SCARA3: variants seen among roughly 807,000 people sequenced by gnomAD.
SCARA3 encodes the protein scavenger receptor class A member 3, also known as cellular stress response gene protein.
Under a neutral mutation model 47.0 loss-of-function variants are expected in SCARA3, and 39 were observed. The ratio of observed to expected loss-of-function variants is 0.83; its 90% CI spans 0.64 to 1.08. The LOEUF is 1.08. Among genes scored for constraint, SCARA3 ranks in the 50% least tolerant of loss-of-function variants. SCARA3 has a pLI of 0.00. For synonymous variants in SCARA3, 356 were observed against 334.1 expected (o/e 1.07, Z -0.71); for missense variants, 724 against 792.3 (o/e 0.91, Z 1.04).
intron 1 of SCARA3, among the ~76,000 whole-genome samples, chr8:27,634,427 C>A (rs552620695): frequency 8.5e-5 from 13 of 152,322 alleles, no homozygotes; most frequent in East Asian, 3.9e-4. Flanking sequence ...ACACACCCCC[C>A]CTTGCAGTCC....
downstream of SCARA3, chr8:27,676,681 T>C (rs2128925214): frequency 1.2e-6 from 1 of 823,616 alleles, no homozygotes; most frequent in South Asian, 1.4e-5. Flanking sequence ...ATGGTAAGCA[T>C]CACCTTAAGC....
rs538341236 is a variant in SCARA3, at chr8:27,653,873, C to T, written c.226+2246C>T. Among the ~76,000 whole-genome samples the T allele has an allele frequency of 1.7e-4, 26 of 152,146 alleles. No homozygotes were observed. The South Asian group carries it at 5.2e-3, about 30-fold the overall frequency. ...GGCCATTTTTTTCTGTAAAAGGCTA[C>T]ATAGTAAATATTTTAGGCTTTTCAG... On this transcript the variant is annotated intron_variant, in intron 3 of 5. Transcript: ENST00000301904.
chr8:27,697,289 C>A, the SCARA3 span: 1 of 219,234 alleles, frequency 4.6e-6, no homozygotes, highest in South Asian at 7.9e-5. Flanking sequence ...TAGCCCATGT[C>A]ATCTAAATTC....
chr8:27,636,473 CA>C (rs1801252955), intron 1 of SCARA3, among the ~76,000 whole-genome samples: 1 of 152,082 alleles, frequency 6.6e-6, no homozygotes, highest in Non-Finnish European at 1.5e-5. Context: ...GAGGCAGGGC[CA>C]AAATCCTGTG....
At chr8:27,640,871 A>G (rs553142898) in intron 1 of SCARA3, among the ~76,000 whole-genome samples, 2 of 152,056 alleles carry the variant, frequency 1.3e-5, no homozygotes, top group East Asian at 3.9e-4. Flanking sequence ...TAATTTTTGT[A>G]TTTTTTGTAG....
intron 1 of SCARA3, among the ~76,000 whole-genome samples, chr8:27,645,819 ATGCC>A (rs1801480994): frequency 6.6e-6 from 1 of 152,166 alleles, no homozygotes. Context: ...GGCACTACGG[ATGCC>A]TGCCTAATCA....
intron 5 of SCARA3, among the ~76,000 whole-genome samples, chr8:27,666,154 C>T (rs957092929): frequency 6.6e-6 from 1 of 152,172 alleles, no homozygotes; most frequent in Non-Finnish European, 1.5e-5. Flanking sequence ...GTTTGGTGGC[C>T]CTGACCCAGT....
intron 1 of SCARA3, among the ~76,000 whole-genome samples, chr8:27,641,496 C>G (rs1801381109): frequency 6.6e-6 from 1 of 152,176 alleles, no homozygotes; most frequent in African/African-American, 2.4e-5. Context: ...ATGCATGCCC[C>G]CCTCTGACAC....
the SCARA3 span, among the ~76,000 whole-genome samples, chr8:27,722,902 T>C: frequency 1.3e-5 from 2 of 152,154 alleles, no homozygotes; most frequent in Non-Finnish European, 2.9e-5. Flanking sequence ...CAGGTCCACT[T>C]GTCCCTGACT....
At chr8:27,689,430 G>A in the SCARA3 span, among the ~76,000 whole-genome samples, 2 of 152,136 alleles carry the variant, frequency 1.3e-5, no homozygotes, top group African/African-American at 4.8e-5. Context: ...ATCCTGAGCC[G>A]GTTCCAAGCT....
intron 3 of SCARA3, 107 bp from the exon 4 acceptor site, chr8:27,656,675 G>A: frequency 1.4e-6 from 1 of 738,958 alleles, no homozygotes; most frequent in Non-Finnish European, 2.4e-6. Flanking sequence ...GAAGAAGGGT[G>A]AAAGGTTTTG....
intron 5 of SCARA3, among the ~76,000 whole-genome samples, chr8:27,668,050 A>C (rs763398890): frequency 2.6e-5 from 4 of 152,168 alleles, no homozygotes; most frequent in Non-Finnish European, 4.4e-5. Flanking sequence ...CACTCACGCT[A>C]GGCTGCAGCT....
At chr8:27,730,733 G>C in the SCARA3 span, among the ~76,000 whole-genome samples, 4 of 151,772 alleles carry the variant, frequency 2.6e-5, no homozygotes, top group Non-Finnish European at 5.9e-5. Context: ...TAAGCAATCT[G>C]TCCCTCTTGG....
intron 1 of SCARA3, among the ~76,000 whole-genome samples, chr8:27,645,288 G>A (rs1179817176): frequency 6.6e-6 from 1 of 152,216 alleles, no homozygotes; most frequent in Admixed American, 6.5e-5. Context: ...GAGGATAACA[G>A]TTAACTGAAG....
At chr8:27,713,224 G>A in the SCARA3 span, among the ~76,000 whole-genome samples, 3 of 152,240 alleles carry the variant, frequency 2.0e-5, no homozygotes, top group African/African-American at 7.2e-5. Flanking sequence ...TCATAGGGCA[G>A]CCACTTTGTG....
intron 2 of SCARA3, among the ~76,000 whole-genome samples, chr8:27,650,145 A>G (rs1408677334): frequency 6.6e-6 from 1 of 150,968 alleles, no homozygotes; most frequent in African/African-American, 2.4e-5. Flanking sequence ...GGCACGCACC[A>G]CCATGCCTGG....
chr8:27,674,653 C>T (rs1050435851), downstream of SCARA3, among the ~76,000 whole-genome samples: 9 of 151,876 alleles, frequency 5.9e-5, no homozygotes, highest in Middle Eastern at 6.9e-3. Flanking sequence ...GCCTTCACCA[C>T]TGGGGTGATT....
intron 1 of SCARA3, among the ~76,000 whole-genome samples, chr8:27,634,421 A>C (rs1049640153): frequency 1.5e-4 from 23 of 151,276 alleles, no homozygotes; most frequent in African/African-American, 4.6e-4. Flanking sequence ...ACACTCACAC[A>C]CCCCCCCTTG....
At chr8:27,721,124 C>A in the SCARA3 span, among the ~76,000 whole-genome samples, 2 of 150,970 alleles carry the variant, frequency 1.3e-5, no homozygotes, top group Non-Finnish European at 3.0e-5. Context: ...CCACCTCCCT[C>A]ATTTCATGAG....
Sources: allele counts gnomAD v4.1 joint callset (sites outside exome capture counted in the v4.1 genomes callset), GRCh38; gene constraint gnomAD v4.1.1; transcripts MANE v1.5; gene names NCBI Gene and HGNC (gene_info 2026-07-23, HGNC 2026-07-21).